The following C4BPA variants were observed in gnomAD, a reference collection of about 807,000 sequenced individuals.
C4BPA encodes C4b-binding protein alpha chain.
In C4BPA, 31 loss-of-function variants were observed where a neutral mutation model predicts 63.7. The ratio of observed to expected loss-of-function variants is 0.49; its 90% CI spans 0.37 to 0.66. The LOEUF (loss-of-function observed/expected upper bound fraction) is 0.66. Ranked by LOEUF, C4BPA falls within the 30% of genes least tolerant of loss-of-function variation. The pLI is 0.00. For synonymous variants in C4BPA, 259 were observed against 254.7 expected, an observed-to-expected ratio of 1.02 and a Z score of -0.16; for missense variants, 572 against 723.3, an observed-to-expected ratio of 0.79 and a Z score of 2.40.
intron 4 of C4BPA, among the ~76,000 whole-genome samples, chr1:207,118,178 T>TCTATC (rs757324599): frequency 0.18 from 20,536 of 115,446 alleles, 2,249 homozygotes; most frequent in Non-Finnish European, 0.23. Flanking sequence ...TATCTATCTA[T>TCTATC]ATCTATCTAT....
chr1:207,143,340 TG>T (rs1572802980), intron 10 of C4BPA, among the ~76,000 whole-genome samples: 1 of 100,242 alleles, frequency 1.0e-5, no homozygotes, highest in South Asian at 3.3e-4. Flanking sequence ...TGTCAGGGGG[TG>T]GGGGGCAAGG....
At chr1:207,131,515 T>G in intron 7 of C4BPA, 31 bp from the exon 8 acceptor site, 4 of 1,499,978 alleles carry the variant, frequency 2.7e-6, no homozygotes, top group Non-Finnish European at 3.7e-6. Flanking sequence ...ATAGCGTCCT[T>G]TTGTTCTTCT....
Position 207,124,021 on chromosome 1 carries a change from C to T in C4BPA, c.514+14C>T. 2 of 1,580,830 alleles carry T rather than the reference C, an allele frequency of 1.3e-6. No homozygotes were observed. Among genetic ancestry groups the T allele is most frequent in the South Asian group, 2.2e-5 (2 of 89,948 alleles). On this transcript the variant is annotated intron_variant, in intron 5 of 11. Coordinates refer to ENST00000367070, the MANE Select transcript of C4BPA (RefSeq NM_000715.4). ...CACAATGTGAAAGTAAGTAAAGACT[C>T]TTCTGACTTGACTATCAATTTAAAC...
At chr1:207,141,306 T>C (rs768383580) in intron 10 of C4BPA, 30 bp downstream of exon 10, 1 of 1,594,424 alleles carries the variant, frequency 6.3e-7, no homozygotes, top group Non-Finnish European at 8.6e-7. Context: ...CAGCTCAAGA[T>C]TAAGTGGGTG....
chr1:207,144,376 TG>T (rs1296913048), intron 11 of C4BPA, among the ~76,000 whole-genome samples, 167 bp from the exon 12 acceptor site: 8 of 152,208 alleles, frequency 5.3e-5, no homozygotes. Flanking sequence ...CATGTTCCCC[TG>T]GGGAAGACTG....
chr1:207,114,862 T>A (rs1684749087), intron 3 of C4BPA: 2 of 153,416 alleles, frequency 1.3e-5, no homozygotes, highest in Non-Finnish European at 2.9e-5. Context: ...AATTTCATTA[T>A]GATCTATTGA....
intron 10 of C4BPA, among the ~76,000 whole-genome samples, chr1:207,141,807 A>AT (rs1685421519): frequency 6.6e-6 from 1 of 152,084 alleles, no homozygotes; most frequent in Admixed American, 6.6e-5. Context: ...ATCAGGTCTG[A>AT]TTTTTACATG....
intron 5 of C4BPA, 80 bp from the exon 6 acceptor site, chr1:207,124,095 T>A (rs1684979097): frequency 7.3e-6 from 11 of 1,497,576 alleles, no homozygotes; most frequent in Non-Finnish European, 1.0e-5. Flanking sequence ...ATGTGTACCT[T>A]CCATTAGAAT....
chr1:207,126,835 AGTGTAATTC>A lies in C4BPA; in HGVS notation c.830_838del (p.Ser277_His280delinsAsn). On this transcript the variant is annotated inframe_deletion, in exon 7 of 12. Transcript: ENST00000367070. ...AAAAGGTTTTGTTCTCAGAGGCAGCAGTGTAATTCATTGTGATGCTGATAGCAAATGGAA... is the reference window on the plus strand; with the variant it reads ...AAAAGGTTTTGTTCTCAGAGGCAGCAATTGTGATGCTGATAGCAAATGGAA... The A allele has an allele frequency of 6.2e-7, 1 of 1,613,532 alleles. No individual in the cohort carries two copies. Among genetic ancestry groups the A allele is most frequent in the Non-Finnish European group, 8.5e-7 (1 of 1,179,644 alleles).
At chr1:207,105,274 T>A (rs939725371) in intron 1 of C4BPA, among the ~76,000 whole-genome samples, 1 of 151,878 alleles carries the variant, frequency 6.6e-6, no homozygotes, top group African/African-American at 2.4e-5. Context: ...ATAAAGAGAT[T>A]TGGCCAGGTA....
chr1:207,112,986 G>A lies in C4BPA; in HGVS notation c.-25-15G>A. 6.5e-7 allele frequency: 1 copy of A among 1,548,092 alleles called. No individual in the cohort carries two copies. Among genetic ancestry groups the A allele is most frequent in the Non-Finnish European group, 8.7e-7 (1 of 1,155,686 alleles). On this transcript the variant is annotated splice_polypyrimidine_tract_variant and intron_variant, in intron 1 of 11. Coordinates refer to ENST00000367070, the MANE Select transcript of C4BPA (RefSeq NM_000715.4). ...GAATTCAATGACTATTTATTAAATT[G>A]AGTTCTTTCAGCAGAAAAACATCAG...
At chr1:207,137,306 T>C (rs1229340667) in intron 9 of C4BPA, among the ~76,000 whole-genome samples, 1 of 152,230 alleles carries the variant, frequency 6.6e-6, no homozygotes, top group Admixed American at 6.5e-5. Flanking sequence ...AGAAAATTTA[T>C]GTTGCTAAGG....
chr1:207,131,015 A>G (rs961940012), intron 7 of C4BPA, among the ~76,000 whole-genome samples: 4 of 152,228 alleles, frequency 2.6e-5, no homozygotes, highest in African/African-American at 9.6e-5. Flanking sequence ...TAATCATCCA[A>G]CGTGGTAGAT....
At chr1:207,123,248 G>C (rs1006780532) in intron 4 of C4BPA, among the ~76,000 whole-genome samples, 3 of 152,192 alleles carry the variant, frequency 2.0e-5, no homozygotes, top group Non-Finnish European at 2.9e-5. Flanking sequence ...TTTTCTTGAA[G>C]TTATTATTCA....
chr1:207,141,414 A>G, intron 10 of C4BPA, 138 bp downstream of exon 10: 1 of 574,728 alleles, frequency 1.7e-6, no homozygotes. Context: ...ATATATGCAA[A>G]TGGTACCCAA....
chr1:207,108,826 G>A (rs1024610212), intron 1 of C4BPA, among the ~76,000 whole-genome samples: 1 of 152,062 alleles, frequency 6.6e-6, no homozygotes, highest in African/African-American at 2.4e-5. Flanking sequence ...GGGTTCAAGC[G>A]ATTAACCTGC....
rs548957817 is a variant in C4BPA at position 207,141,223 on chromosome 1, C to T, written c.1391C>T (p.Ala464Val). 2.2e-5 allele frequency: 36 copies of T among 1,613,648 alleles called. No homozygotes were observed. The South Asian group carries it at 2.4e-4, about 11-fold the overall frequency. Residue 464 changes from alanine to valine, a missense_variant, in exon 10 of 12, where the codon GCG (alanine) becomes GTG (valine). Coordinates refer to ENST00000367070, the MANE Select transcript of C4BPA (RefSeq NM_000715.4). ...AAAGGCTACATTCTGGTCGGACAGGCGAAACTCTCCTGCAGTTATTCACAC... is the reference window on the plus strand; with the variant it reads ...AAAGGCTACATTCTGGTCGGACAGGTGAAACTCTCCTGCAGTTATTCACAC... ...CDKGYILVGQ[A>V]KLSCSYSHWS...
chr1:207,141,565 C>G (rs1398891556), intron 10 of C4BPA, among the ~76,000 whole-genome samples: 1 of 152,148 alleles, frequency 6.6e-6, no homozygotes, highest in Non-Finnish European at 1.5e-5. Context: ...CACATTTTAT[C>G]TTAGTGTACC....
intron 11 of C4BPA, among the ~76,000 whole-genome samples, 188 bp downstream of exon 11, chr1:207,144,181 G>A (rs1207230326): frequency 1.3e-5 from 2 of 152,102 alleles, no homozygotes; most frequent in Non-Finnish European, 2.9e-5. Context: ...AAGTTCTCCT[G>A]TTCTCACTTG....
Sources: allele counts gnomAD v4.1 joint callset (sites outside exome capture counted in the v4.1 genomes callset), GRCh38; gene constraint gnomAD v4.1.1; transcripts MANE v1.5; gene names NCBI Gene and HGNC (gene_info 2026-07-23, HGNC 2026-07-21).